The following RORA variants were observed in gnomAD, a reference collection of about 807,000 sequenced individuals.
RORA encodes the protein RAR related orphan receptor A.
Under a neutral mutation model 69.5 loss-of-function variants are expected in RORA, and 7 were observed. That is an observed-to-expected ratio of 0.10 (90% CI 0.06 to 0.19). The LOEUF (loss-of-function observed/expected upper bound fraction) is 0.19, where lower values mean the gene tolerates loss of function less well. Ranked by LOEUF, RORA falls within the 10% of genes least tolerant of loss-of-function variation. The pLI, the probability that RORA is intolerant of heterozygous loss-of-function variation, is 1.00. For missense variants in RORA, 457 were observed against 663.0 expected (o/e 0.69, Z 3.41); for synonymous variants, 261 against 240.8 (o/e 1.08, Z -0.78).
In RORA at chr15:60,905,067, C is replaced by G. The variant is rs12148869; in HGVS notation, c.167-226381G>C. On this transcript the variant is annotated intron_variant, in intron 1 of 10. Transcript: ENST00000335670. This position sits in a 1 kb window ranked among gnomAD's most constrained non-coding sequence, Gnocchi z 4.8. Reference sequence around the variant, plus strand: ...GGGTGAGGGCTTGAGGCTCTGGGGGCGCTCGTCTTTAATGTTAATGAGACT... The same window carrying G: ...GGGTGAGGGCTTGAGGCTCTGGGGGGGCTCGTCTTTAATGTTAATGAGACT... Among the ~76,000 whole-genome samples the G allele has an allele frequency of 1.3e-5, 2 of 152,022 alleles. No homozygotes were observed. Among genetic ancestry groups the G allele is most frequent in the Non-Finnish European group, 2.9e-5 (2 of 68,000 alleles).
chr15:60,882,636 T>TACAC lies in RORA; in HGVS notation c.167-203954_167-203951dup, dbSNP rs67057464. Among the ~76,000 whole-genome samples the TACAC allele has an allele frequency of 7.8e-4, 115 of 147,606 alleles. 1 individual carries two copies. Among genetic ancestry groups the TACAC allele is most frequent in the South Asian group, 2.0e-3 (9 of 4,512 alleles). On this transcript the variant is annotated intron_variant, in intron 1 of 10. Coordinates refer to ENST00000335670, the MANE Select transcript of RORA (RefSeq NM_134261.3). ...ACTTACCCTTTAGATGGAGCTTAACTACACACACACACACACACACACACA... is the reference window on the plus strand; with the variant it reads ...ACTTACCCTTTAGATGGAGCTTAACTACACACACACACACACACACACACACACA...
intron 1 of RORA, among the ~76,000 whole-genome samples, chr15:60,998,674 C>T (rs940955029): frequency 6.6e-6 from 1 of 151,980 alleles, no homozygotes; most frequent in East Asian, 1.9e-4. Context: ...GCTGGGATTA[C>T]AGGCGTGAGC....
At chr15:60,548,592 C>A (rs2067140056) in intron 2 of RORA, among the ~76,000 whole-genome samples, 1 of 152,158 alleles carries the variant, frequency 6.6e-6, no homozygotes, top group Non-Finnish European at 1.5e-5. Flanking sequence ...TGCTGGGAGG[C>A]ACGAAGTATA....
chr15:60,569,914 G>A (rs1332989122), intron 2 of RORA, among the ~76,000 whole-genome samples: 3 of 152,128 alleles, frequency 2.0e-5, no homozygotes, highest in East Asian at 3.8e-4. Context: ...ATGCAAATAC[G>A]TCAGCAAAAG....
chr15:60,992,625 C>T (rs745609746), intron 1 of RORA, among the ~76,000 whole-genome samples: 4 of 152,148 alleles, frequency 2.6e-5, no homozygotes, highest in Admixed American at 6.6e-5. Context: ...TTTACCTCCA[C>T]GATCATCTAC....
In RORA at chr15:61,087,969, C is replaced by T. The variant is rs527873109; in HGVS notation, c.166+141084G>A. ...TCGATGTGCTCAGGGATACGGCCTACGCCAGCTCCTAAAGTTCCAGTCATC... is the reference window on the plus strand; with the variant it reads ...TCGATGTGCTCAGGGATACGGCCTATGCCAGCTCCTAAAGTTCCAGTCATC... On this transcript the variant is annotated intron_variant, in intron 1 of 10. Coordinates refer to ENST00000335670, the MANE Select transcript of RORA (RefSeq NM_134261.3). Among the ~76,000 whole-genome samples the T allele has an allele frequency of 1.6e-3, 237 of 152,382 alleles. 1 individual carries two copies. The highest frequency in any genetic ancestry group is 3.2e-3 in the African/African-American group (132 of 41,596).
chr15:60,614,623 G>A (rs2069182390), intron 2 of RORA, among the ~76,000 whole-genome samples: 1 of 152,176 alleles, frequency 6.6e-6, no homozygotes, highest in African/African-American at 2.4e-5. Flanking sequence ...ATGACCCTTT[G>A]TGGGGAGGGG....
chr15:60,877,701 A>C (rs1447088980), intron 1 of RORA, among the ~76,000 whole-genome samples: 1 of 152,228 alleles, frequency 6.6e-6, no homozygotes, highest in Non-Finnish European at 1.5e-5. Context: ...ATCAAGATCC[A>C]TATTAATGGA....
rs1276421070 is a variant in RORA at position 60,489,855 on chromosome 15, A to C, written c.*7600T>G. 4 of 152,196 alleles carry C rather than the reference A, an allele frequency of 2.6e-5. 1 individual carries two copies. In the South Asian group the frequency reaches 8.3e-4, roughly 32 times the overall value. The allele number at this position is 152,196 out of a possible 1,614,324, so 9.4% of individuals were successfully genotyped here. ...TAATACAATTCCTTAATAAGAAAAA[A>C]AAGTATATTACTCCATTAAACAAGT... is the stretch of plus-strand genomic sequence containing the variant. On this transcript the variant is annotated 3_prime_UTR_variant, in exon 11 of 11. Coordinates refer to ENST00000335670, the MANE Select transcript of RORA (RefSeq NM_134261.3).
At chr15:61,189,305 G>A (rs549892021) in intron 1 of RORA, among the ~76,000 whole-genome samples, 16 of 152,194 alleles carry the variant, frequency 1.1e-4, no homozygotes, top group Non-Finnish European at 1.8e-4. Flanking sequence ...AATGGAGAAC[G>A]ACAAAGGAGA....
chr15:61,079,719 T>C (rs149307452), intron 1 of RORA, among the ~76,000 whole-genome samples: 3 of 152,342 alleles, frequency 2.0e-5, no homozygotes, highest in African/African-American at 7.2e-5. Flanking sequence ...TCTGAGGCAC[T>C]GGATACCCAG....
intron 1 of RORA, among the ~76,000 whole-genome samples, chr15:61,168,309 A>G (rs1165916695): frequency 6.6e-6 from 1 of 151,726 alleles, no homozygotes; most frequent in African/African-American, 2.4e-5. Context: ...GCTCACTGCA[A>G]CCTCCACCTT....
chr15:61,027,119 T>C (rs779260761), intron 1 of RORA, among the ~76,000 whole-genome samples: 2 of 152,252 alleles, frequency 1.3e-5, no homozygotes, highest in African/African-American at 4.8e-5. Flanking sequence ...TCTCTTCTAA[T>C]GGAATATGAG....
intron 1 of RORA, among the ~76,000 whole-genome samples, chr15:60,936,146 T>C (rs1299738667): frequency 6.6e-6 from 1 of 152,166 alleles, no homozygotes; most frequent in Non-Finnish European, 1.5e-5. Flanking sequence ...AAAACAATGA[T>C]GCTAGGACCC....
intron 5 of RORA, among the ~76,000 whole-genome samples, chr15:60,509,603 CAG>C (rs1196281733): frequency 6.6e-6 from 1 of 152,134 alleles, no homozygotes; most frequent in Non-Finnish European, 1.5e-5. Context: ...GCAAACAGGA[CAG>C]AGTCACTAGT....
intron 1 of RORA, among the ~76,000 whole-genome samples, chr15:60,706,831 G>A (rs1157954758): frequency 6.6e-6 from 1 of 152,100 alleles, no homozygotes; most frequent in Non-Finnish European, 1.5e-5. Flanking sequence ...TGCAGAGTTG[G>A]GGCTCAGCTA....
At chr15:60,634,766 C>G (rs1000831984) in intron 2 of RORA, among the ~76,000 whole-genome samples, 17 of 152,130 alleles carry the variant, frequency 1.1e-4, no homozygotes, top group African/African-American at 4.1e-4. Flanking sequence ...TAATTTTCCC[C>G]CTAGCCCCAT....
At chr15:61,064,344 T>C (rs1419841304) in intron 1 of RORA, among the ~76,000 whole-genome samples, 1 of 152,238 alleles carries the variant, frequency 6.6e-6, no homozygotes, top group Non-Finnish European at 1.5e-5. Flanking sequence ...AATATTTAAA[T>C]AGTTCCTTAT....
chr15:60,816,772 G>T (rs2072823406), intron 1 of RORA, among the ~76,000 whole-genome samples: 1 of 146,102 alleles, frequency 6.8e-6, no homozygotes. Context: ...GTGTAGTGTT[G>T]AAGTCTCCAG....
Sources: gnomAD v4.1 joint callset for allele counts (sites outside exome capture counted in the v4.1 genomes callset) on GRCh38, gnomAD v4.1.1 for gene constraint, Gnocchi (gnomAD v3.1) non-coding constraint, MANE v1.5 for transcripts, NCBI Gene and HGNC (gene_info 2026-07-23, HGNC 2026-07-21) for gene names.